SND1: variants seen among roughly 807,000 people sequenced by gnomAD.
The protein encoded by SND1 is staphylococcal nuclease and tudor domain containing 1.
SND1 carries 38 observed loss-of-function variants against 121.7 expected under a neutral mutation model. That is an observed-to-expected ratio of 0.31 (90% CI 0.24 to 0.41). SND1 has a LOEUF of 0.41. Among genes scored for constraint, SND1 ranks in the 10% least tolerant of loss-of-function variants. SND1 has a pLI of 1.00. For missense variants in SND1, 868 were observed against 1,184.6 expected, an observed-to-expected ratio of 0.73 and a Z score of 3.92; for synonymous variants, 401 against 447.4, an observed-to-expected ratio of 0.90 and a Z score of 1.31.
intron 11 of SND1, among the ~76,000 whole-genome samples, chr7:127,810,768 T>C (rs182545806): frequency 3.9e-5 from 6 of 152,358 alleles, no homozygotes; most frequent in African/African-American, 1.4e-4. Flanking sequence ...AGCTATCTTA[T>C]AAAATATCTA....
At chr7:127,945,701 A>G (rs569178793) in intron 15 of SND1, among the ~76,000 whole-genome samples, 15 of 152,224 alleles carry the variant, frequency 9.9e-5, no homozygotes, top group African/African-American at 3.6e-4. Context: ...TTTTCACAGA[A>G]TAAGTGGTTT....
chr7:127,698,473 G>A (rs1218354175), intron 3 of SND1, among the ~76,000 whole-genome samples: 1 of 152,118 alleles, frequency 6.6e-6, no homozygotes, highest in Admixed American at 6.5e-5. Flanking sequence ...TAAGATGCTG[G>A]GAGAGCTTGT....
At chr7:127,952,925 G>A (rs1428939674) in intron 15 of SND1, among the ~76,000 whole-genome samples, 1 of 152,134 alleles carries the variant, frequency 6.6e-6, no homozygotes, top group Non-Finnish European at 1.5e-5. Flanking sequence ...CACTTTGGGA[G>A]GCCAAGGCAG....
intron 10 of SND1, among the ~76,000 whole-genome samples, chr7:127,743,721 G>A (rs1344333147): frequency 6.6e-6 from 1 of 152,188 alleles, no homozygotes; most frequent in Non-Finnish European, 1.5e-5. Context: ...GGAAGAAAGT[G>A]GTTGTGTGTA....
In SND1 at chr7:127,795,798, G is replaced by A. The variant is rs369299720; in HGVS notation, c.1153-11686G>A. ...AATTACAAAGGGTCTAGGTTTTGCA[G>A]TTGTACAATGAGATATCTAGTTAAA... On this transcript the variant is annotated intron_variant, in intron 10 of 23. Coordinates refer to ENST00000354725, the MANE Select transcript of SND1 (RefSeq NM_014390.4). Among the ~76,000 whole-genome samples, 5 of 152,122 alleles carry A rather than the reference G, an allele frequency of 3.3e-5. No homozygotes were observed. The East Asian group carries it at 9.6e-4, about 29-fold the overall frequency.
At chr7:127,844,547 A>G in intron 12 of SND1, 123 bp downstream of exon 12, 1 of 720,276 alleles carries the variant, frequency 1.4e-6, no homozygotes, top group Non-Finnish European at 2.2e-6. Flanking sequence ...TCAGTGGTTT[A>G]TAATTTTGTG....
At chr7:128,089,256 G>A (rs1157970964) in intron 21 of SND1, among the ~76,000 whole-genome samples, 2 of 152,100 alleles carry the variant, frequency 1.3e-5, no homozygotes, top group Non-Finnish European at 2.9e-5. Context: ...GTTTCACTGT[G>A]TTGGCCAGGC....
At chr7:127,842,828 TC>T (rs1798988715) in intron 11 of SND1, among the ~76,000 whole-genome samples, 1 of 152,146 alleles carries the variant, frequency 6.6e-6, no homozygotes. Flanking sequence ...TGTTTGTTGT[TC>T]TTAATAACTC....
intron 11 of SND1, among the ~76,000 whole-genome samples, chr7:127,831,410 CA>C (rs1798736344): frequency 6.6e-6 from 1 of 152,154 alleles, no homozygotes; most frequent in African/African-American, 2.4e-5. Flanking sequence ...ATCAGCATGC[CA>C]AAATGCAGTT....
chr7:127,929,328 A>G lies in SND1; in HGVS notation c.1668A>G (p.Ala556=), dbSNP rs1377541128. 1.2e-6 allele frequency: 2 copies of G among 1,613,992 alleles called. No individual in the cohort carries two copies. The highest frequency in any genetic ancestry group is 1.7e-5 in the Admixed American group (1 of 60,026). ...KETCLITFLL[A]GIECPRGARN... ...CTTGCCTTATCACCTTCTTGCTTGC[A>G]GGTAAGTCTTATGTGTTACATGTTA... The change falls in exon 15 of 24, where the codon GCA becomes GCG. Residue 556 remains alanine, a splice_region_variant and synonymous_variant. Transcript: ENST00000354725.
At chr7:127,716,391 T>G (rs138247772) in intron 9 of SND1, among the ~76,000 whole-genome samples, 219 of 152,330 alleles carry the variant, frequency 1.4e-3, no homozygotes, top group Admixed American at 7.2e-3. Flanking sequence ...CAACAGTGTT[T>G]TGTAGTTTTC....
At chr7:127,709,967 T>C (rs1310506169) in intron 9 of SND1, among the ~76,000 whole-genome samples, 3 of 152,048 alleles carry the variant, frequency 2.0e-5, no homozygotes, top group Admixed American at 6.6e-5. Flanking sequence ...CATGAAACAC[T>C]ATGACTTGGC....
chr7:128,013,382 T>C (rs1364622934), intron 16 of SND1, among the ~76,000 whole-genome samples: 1 of 152,244 alleles, frequency 6.6e-6, no homozygotes, highest in Non-Finnish European at 1.5e-5. Context: ...CGGATCACTA[T>C]ACTGGTTCTA....
chr7:127,714,517 A>C (rs1031512259), intron 9 of SND1, among the ~76,000 whole-genome samples: 2 of 152,196 alleles, frequency 1.3e-5, no homozygotes, highest in Admixed American at 6.5e-5. Flanking sequence ...TAGTATCTTA[A>C]CGATTTTTAA....
chr7:127,982,283 G>A (rs181324047), intron 15 of SND1, among the ~76,000 whole-genome samples: 188 of 152,232 alleles, frequency 1.2e-3, no homozygotes, highest in Non-Finnish European at 2.3e-3. Flanking sequence ...TCAGTGCCTG[G>A]TCTTTCAACA....
At chr7:127,802,594 A>C (rs1016894850) in intron 10 of SND1, among the ~76,000 whole-genome samples, 7 of 152,048 alleles carry the variant, frequency 4.6e-5, no homozygotes, top group Admixed American at 1.3e-4. Context: ...GCTCCTTCTC[A>C]GTCTCCTGTT....
At chr7:128,079,539 A>G (rs1041093944) in intron 17 of SND1, among the ~76,000 whole-genome samples, 1 of 152,246 alleles carries the variant, frequency 6.6e-6, no homozygotes, top group African/African-American at 2.4e-5. Flanking sequence ...GGGGCCCACA[A>G]GCCCAGCCAT....
intron 16 of SND1, among the ~76,000 whole-genome samples, chr7:128,056,359 A>G (rs1282621397): frequency 6.6e-6 from 1 of 152,264 alleles, no homozygotes; most frequent in African/African-American, 2.4e-5. Flanking sequence ...CCCAGATACT[A>G]TATGCCATGG....
At chr7:127,721,828 G>C (rs1796500940) in intron 10 of SND1, among the ~76,000 whole-genome samples, 1 of 152,208 alleles carries the variant, frequency 6.6e-6, no homozygotes. Context: ...AGGAAGAAAT[G>C]AATCTTGGTA....
Sources: allele counts gnomAD v4.1 joint callset (sites outside exome capture counted in the v4.1 genomes callset), GRCh38; gene constraint gnomAD v4.1.1; transcripts MANE v1.5; gene names NCBI Gene and HGNC (gene_info 2026-07-23, HGNC 2026-07-21).